Variants in PLCG2 observed in about 807,000 individuals in gnomAD.
PLCG2 encodes the protein 1-phosphatidylinositol 4,5-bisphosphate phosphodiesterase gamma-2.
In PLCG2, 69 loss-of-function variants were observed where a neutral mutation model predicts 175.6. The observed-to-expected ratio is 0.39, with a 90% CI of 0.32 to 0.48. The LOEUF (loss-of-function observed/expected upper bound fraction) is 0.48, where lower values mean the gene tolerates loss of function less well. PLCG2 is among the 20% of genes least tolerant of loss of function. The probability of loss-of-function intolerance (pLI) is 0.91; values close to 1 mark genes in which losing one functional copy is unlikely to be tolerated. For synonymous variants in PLCG2, 827 were observed against 624.0 expected (o/e 1.33, Z -4.85); for missense variants, 1,798 against 1,650.9 (o/e 1.09, Z -1.54).
intron 2 of PLCG2, among the ~76,000 whole-genome samples, chr16:81,845,814 G>A (rs574252594): frequency 1.3e-5 from 2 of 152,350 alleles, no homozygotes; most frequent in East Asian, 3.9e-4. Flanking sequence ...AGACTTTGCT[G>A]AATACCAGAT....
intron 2 of PLCG2, among the ~76,000 whole-genome samples, chr16:81,787,352 G>T (rs1386694951): frequency 6.7e-6 from 1 of 150,150 alleles, no homozygotes; most frequent in Non-Finnish European, 1.5e-5. Context: ...CTCCCAAGTA[G>T]CTGGGACCAT....
Position 81,916,447 on chromosome 16 carries a change from A to C in PLCG2, c.2055-3037A>C, listed in dbSNP as rs1171137904. On this transcript the variant is annotated intron_variant, in intron 19 of 32. Transcript: ENST00000564138. ...GTATGCCCATAGAAACGATGCCTCT[A>C]GATGCTTTTCCTAATTTATTTAATT... is the stretch of plus-strand genomic sequence containing the variant. Among the ~76,000 whole-genome samples, 6 of 152,196 alleles carry C rather than the reference A, an allele frequency of 3.9e-5. No homozygotes were observed. The East Asian group carries it at 1.2e-3, about 29-fold the overall frequency.
At chr16:81,776,823 G>C (rs1310477269), upstream of PLCG2, among the ~76,000 whole-genome samples, 1 of 152,150 alleles carries the variant, frequency 6.6e-6, no homozygotes, top group Non-Finnish European at 1.5e-5. Context: ...CCAAAGTGCT[G>C]GGATTACAGG....
chr16:81,872,075 C>A (rs1025553271), intron 7 of PLCG2, among the ~76,000 whole-genome samples: 2 of 152,108 alleles, frequency 1.3e-5, no homozygotes, highest in African/African-American at 2.4e-5. Context: ...ACGCCTGTAA[C>A]CCCAGCACTT....
chr16:81,808,657 C>A (rs1683873795), intron 2 of PLCG2, among the ~76,000 whole-genome samples: 1 of 152,064 alleles, frequency 6.6e-6, no homozygotes, highest in Admixed American at 6.6e-5. Context: ...CCACGCCTGG[C>A]TAATTTTTTC....
chr16:81,948,803 G>T (rs1417076349), intron 31 of PLCG2, among the ~76,000 whole-genome samples: 1 of 152,118 alleles, frequency 6.6e-6, no homozygotes, highest in Non-Finnish European at 1.5e-5. Context: ...CATGACCCAA[G>T]AGTGTGACAT....
chr16:81,763,458 G>C (rs913922896), intron 2 of PLCG2, among the ~76,000 whole-genome samples: 2 of 152,208 alleles, frequency 1.3e-5, no homozygotes, highest in Non-Finnish European at 2.9e-5. Flanking sequence ...CATCTCCAAG[G>C]TGTCCTCCCT....
At chr16:81,944,225 G>C (rs1014780621) in intron 30 of PLCG2, among the ~76,000 whole-genome samples, 1 of 152,102 alleles carries the variant, frequency 6.6e-6, no homozygotes, top group Non-Finnish European at 1.5e-5. Flanking sequence ...TTGATGGGTA[G>C]ATAAATCCAT....
chr16:81,855,141 C>G lies in PLCG2; in HGVS notation c.337+554C>G, dbSNP rs115179082. Among the ~76,000 whole-genome samples the G allele has an allele frequency of 8.4e-3, 1,215 of 143,962 alleles. 18 individuals carry two copies. The highest frequency in any genetic ancestry group is 0.03 in the African/African-American group (1,182 of 38,822). The allele number at this position is 143,962 out of a possible 152,430, so 94.4% of individuals were successfully genotyped here. A position where few individuals can be genotyped will look rare whatever the true frequency, so the allele number is the denominator to read the frequency against. ...ACAAGAATTGCTTGAACCAGTGAGC[C>G]AAGATTGCATCACTCCCCTACAGTC... On this transcript the variant is annotated intron_variant, in intron 3 of 32. Transcript: ENST00000564138.
chr16:81,837,338 G>T (rs1905572850), intron 2 of PLCG2, among the ~76,000 whole-genome samples: 1 of 152,214 alleles, frequency 6.6e-6, no homozygotes, highest in African/African-American at 2.4e-5. Context: ...GGCTTCTATA[G>T]CTGTGTGACC....
At chr16:81,827,559 C>T (rs1376905582) in intron 2 of PLCG2, among the ~76,000 whole-genome samples, 1 of 152,028 alleles carries the variant, frequency 6.6e-6, no homozygotes, top group African/African-American at 2.4e-5. Flanking sequence ...TACCTGCAGG[C>T]AGCTGGATAG....
At chr16:81,780,546 G>T (rs997900420) in intron 1 of PLCG2, among the ~76,000 whole-genome samples, 10 of 152,166 alleles carry the variant, frequency 6.6e-5, no homozygotes, top group Non-Finnish European at 1.0e-4. Flanking sequence ...GTGTATACCA[G>T]CTCAGGGACA....
intron 30 of PLCG2, among the ~76,000 whole-genome samples, chr16:81,943,017 G>T (rs1480715182): frequency 6.6e-6 from 1 of 152,138 alleles, no homozygotes; most frequent in Non-Finnish European, 1.5e-5. Flanking sequence ...TGGTCATGAG[G>T]GCAGAGCTCA....
At chr16:81,900,973 C>T (rs1405649995) in intron 14 of PLCG2, among the ~76,000 whole-genome samples, 193 bp downstream of exon 14, 1 of 152,230 alleles carries the variant, frequency 6.6e-6, no homozygotes, top group African/African-American at 2.4e-5. Flanking sequence ...CCTCTGTTGT[C>T]ACCAGTCTCT....
At chr16:81,761,471 T>C (rs545241902) in intron 2 of PLCG2, among the ~76,000 whole-genome samples, 1 of 152,316 alleles carries the variant, frequency 6.6e-6, no homozygotes, top group Admixed American at 6.5e-5. Flanking sequence ...AGGTGACGCG[T>C]TGTAATGGTT....
intron 13 of PLCG2, among the ~76,000 whole-genome samples, chr16:81,896,387 C>T (rs1403640615): frequency 2.3e-5 from 2 of 86,898 alleles, no homozygotes; most frequent in Non-Finnish European, 5.7e-5. Flanking sequence ...CACACACACA[C>T]ACACACACAC....
chr16:81,773,825 G>C (rs890055062), intron 2 of PLCG2, among the ~76,000 whole-genome samples: 3 of 152,160 alleles, frequency 2.0e-5, no homozygotes, highest in Non-Finnish European at 2.9e-5. Context: ...GAGCTACAGA[G>C]AGTGAGCGAC....
At position 81,934,508 on chromosome 16, in the gene PLCG2, C is replaced by G; in HGVS notation, c.2819C>G (p.Thr940Ser). The G allele has an allele frequency of 6.2e-7, 1 of 1,610,734 alleles. No individual in the cohort carries two copies. Among genetic ancestry groups the G allele is most frequent in the Middle Eastern group, 1.7e-4 (1 of 6,060 alleles). Residue 940 changes from threonine to serine, a missense_variant, in exon 26 of 33, where the codon ACC becomes AGC. Physicochemically the swap from Thr to Ser is moderately conservative, Grantham distance 58. Transcript: ENST00000564138. ...GACCTGGTTGTCTACTGCAAACCAA[C>G]CAGCAAAACCAAGGACAACTTAGGT... ...LSDLVVYCKP[T>S]SKTKDNLENP...
At chr16:81,776,555 A>T (rs1390510179), upstream of PLCG2, among the ~76,000 whole-genome samples, 2 of 152,212 alleles carry the variant, frequency 1.3e-5, no homozygotes, top group Admixed American at 6.5e-5. Context: ...CTTGATGATG[A>T]CGACGATTGT....
Sources: gnomAD v4.1 joint callset for allele counts (sites outside exome capture counted in the v4.1 genomes callset) on GRCh38, gnomAD v4.1.1 for gene constraint, MANE v1.5 for transcripts, NCBI Gene and HGNC (gene_info 2026-07-23, HGNC 2026-07-21) for gene names.